FRMD3: variants seen among roughly 807,000 people sequenced by gnomAD.
FRMD3 encodes the protein FERM domain-containing protein 3.
Under a neutral mutation model 70.2 loss-of-function variants are expected in FRMD3, and 33 were observed. The ratio of observed to expected loss-of-function variants is 0.47; its 90% CI spans 0.36 to 0.63. The LOEUF is 0.63. FRMD3 is among the 20% of genes least tolerant of loss of function. The probability of loss-of-function intolerance (pLI) is 0.00; values close to 1 mark genes in which losing one functional copy is unlikely to be tolerated. For missense variants in FRMD3, 632 were observed against 711.4 expected, an observed-to-expected ratio of 0.89 and a Z score of 1.27; for synonymous variants, 279 against 255.9, an observed-to-expected ratio of 1.09 and a Z score of -0.86.
chr9:83,363,395 T>C (rs75538922), intron 3 of FRMD3, among the ~76,000 whole-genome samples: 1 of 152,224 alleles, frequency 6.6e-6, no homozygotes, highest in African/African-American at 2.4e-5. Context: ...TATACACACA[T>C]AATTTATCCT....
chr9:83,404,335 A>G (rs1826037217), intron 1 of FRMD3, among the ~76,000 whole-genome samples: 1 of 152,216 alleles, frequency 6.6e-6, no homozygotes, highest in Non-Finnish European at 1.5e-5. Flanking sequence ...ATTATCAGCT[A>G]TTACAAGCCA....
intron 1 of FRMD3, among the ~76,000 whole-genome samples, chr9:83,490,339 G>C (rs1828788394): frequency 6.8e-6 from 1 of 146,690 alleles, no homozygotes; most frequent in Non-Finnish European, 1.5e-5. Flanking sequence ...ACCCAGGGTG[G>C]AGTGCCAATG....
chr9:83,386,882 T>C (rs1307367733), intron 2 of FRMD3, among the ~76,000 whole-genome samples: 4 of 152,328 alleles, frequency 2.6e-5, no homozygotes, highest in Admixed American at 2.0e-4. Flanking sequence ...ATTTGCCTGA[T>C]GTTTTCTCAA....
At position 83,248,073 on chromosome 9, in the gene FRMD3, G is replaced by A. The variant is rs1334421934; in HGVS notation, c.1639C>T (p.Leu547Phe). 3.1e-6 allele frequency: 5 copies of A among 1,614,034 alleles called. No homozygotes were observed. The highest frequency in any genetic ancestry group is 1.3e-5 in the African/African-American group (1 of 74,902). The part of the protein sequence containing the change: ...GLLLFVFPLL[L>F]LLLESGIDLS... ...TCAATACCTGACTCCAAAAGGAGGAGGAGCAGGGGAAATACAAAGAGCAGC... is the reference window on the plus strand; with the variant it reads ...TCAATACCTGACTCCAAAAGGAGGAAGAGCAGGGGAAATACAAAGAGCAGC... Residue 547 changes from leucine (L) to phenylalanine (F), a missense_variant, in exon 14 of 14, where the codon CTC (leucine) becomes TTC (phenylalanine). Leu to Phe is a conservative substitution (Grantham distance 22). This residue lies in a region of FRMD3 where 418 missense variants were observed against 442.1 expected (regional missense o/e 0.95). Coordinates refer to ENST00000304195, the MANE Select transcript of FRMD3 (RefSeq NM_174938.6).
At chr9:83,549,474 A>G in the FRMD3 span, among the ~76,000 whole-genome samples, 1 of 152,150 alleles carries the variant, frequency 6.6e-6, no homozygotes, top group African/African-American at 2.4e-5. Flanking sequence ...ACACCCAGTA[A>G]TAGGATTGCT....
intron 1 of FRMD3, among the ~76,000 whole-genome samples, chr9:83,421,220 G>A (rs895124607): frequency 2.0e-5 from 3 of 152,066 alleles, no homozygotes; most frequent in Non-Finnish European, 4.4e-5. Context: ...GATTACAGGC[G>A]TGAGCCACCG....
the FRMD3 span, among the ~76,000 whole-genome samples, chr9:83,582,480 C>A: frequency 1.2e-4 from 19 of 152,090 alleles, no homozygotes; most frequent in African/African-American, 4.1e-4. Flanking sequence ...AAAGAGTGGT[C>A]TTTTTATTTT....
At chr9:83,516,830 G>T (rs1360173143) in intron 1 of FRMD3, among the ~76,000 whole-genome samples, 3 of 152,108 alleles carry the variant, frequency 2.0e-5, no homozygotes. Context: ...AATCAAAACT[G>T]CACAACTACA....
chr9:83,558,261 C>CGTGTGT, the FRMD3 span, among the ~76,000 whole-genome samples: 4,513 of 151,320 alleles, frequency 0.03, 131 homozygotes, highest in African/African-American at 0.072. Context: ...AACGCATGCA[C>CGTGTGT]GTGTGTGTGT....
intron 3 of FRMD3, among the ~76,000 whole-genome samples, chr9:83,361,248 A>G (rs1298401981): frequency 6.6e-6 from 1 of 152,234 alleles, no homozygotes; most frequent in African/African-American, 2.4e-5. Flanking sequence ...AAAAAATAGC[A>G]TTTGAACTTC....
At chr9:83,465,289 T>C (rs1828095658) in intron 1 of FRMD3, among the ~76,000 whole-genome samples, 1 of 152,144 alleles carries the variant, frequency 6.6e-6, no homozygotes, top group Non-Finnish European at 1.5e-5. Flanking sequence ...CCCAGTGCTC[T>C]TCCCAGAACT....
In FRMD3 at chr9:83,245,139, T is replaced by C; in HGVS notation, c.*2779A>G. On this transcript the variant is annotated 3_prime_UTR_variant, in exon 14 of 14. Coordinates refer to ENST00000304195, the MANE Select transcript of FRMD3 (RefSeq NM_174938.6). Reference sequence around the variant, plus strand: ...CTCAATTAGGGCAAAATAAGCACAATTATGCATGAGGGGCATATATGTTGT... The same window carrying C: ...CTCAATTAGGGCAAAATAAGCACAACTATGCATGAGGGGCATATATGTTGT... 1.0e-6 allele frequency: 1 copy of C among 985,278 alleles called. No homozygotes were observed. The highest frequency in any genetic ancestry group is 1.2e-6 in the Non-Finnish European group (1 of 829,842). 61.0% of individuals were successfully genotyped at this position (985,278 alleles called of 1,614,324 possible).
At chr9:83,260,748 A>G (rs1020369271) in intron 13 of FRMD3, among the ~76,000 whole-genome samples, 1 of 152,112 alleles carries the variant, frequency 6.6e-6, no homozygotes, top group African/African-American at 2.4e-5. Context: ...TACATGTTCT[A>G]TCAGTCCCTC....
At chr9:83,565,606 C>G in the FRMD3 span, among the ~76,000 whole-genome samples, 4 of 152,318 alleles carry the variant, frequency 2.6e-5, no homozygotes, top group East Asian at 7.7e-4. Context: ...GCCCGTAGCG[C>G]CCTGTCAAAA....
chr9:83,307,219 A>T (rs1835167109), intron 10 of FRMD3, among the ~76,000 whole-genome samples: 1 of 152,230 alleles, frequency 6.6e-6, no homozygotes, highest in Admixed American at 6.5e-5. Context: ...CATTCAAGAA[A>T]GAACAGAAGA....
At chr9:83,477,223 G>A (rs1828421618) in intron 1 of FRMD3, among the ~76,000 whole-genome samples, 1 of 152,184 alleles carries the variant, frequency 6.6e-6, no homozygotes, top group South Asian at 2.1e-4. Flanking sequence ...CCGGCCCAGT[G>A]TAGGAACTTT....
intron 6 of FRMD3, among the ~76,000 whole-genome samples, chr9:83,324,648 A>G (rs1002887281): frequency 4.6e-5 from 7 of 152,222 alleles, no homozygotes; most frequent in African/African-American, 1.7e-4. Flanking sequence ...ATGCAGAGCT[A>G]TCTTGTACTA....
At chr9:83,427,116 A>T (rs17086262) in intron 1 of FRMD3, among the ~76,000 whole-genome samples, 6,450 of 152,318 alleles carry the variant, frequency 0.042, 196 homozygotes, top group East Asian at 0.16. Flanking sequence ...AATTACCTGG[A>T]GCATTTGTTC....
intron 1 of FRMD3, among the ~76,000 whole-genome samples, chr9:83,529,460 A>C (rs1484513346): frequency 6.6e-6 from 1 of 152,240 alleles, no homozygotes; most frequent in African/African-American, 2.4e-5. Flanking sequence ...TGAATTGTGC[A>C]CTTTAAAATG....
Sources: gnomAD v4.1 joint callset for allele counts (sites outside exome capture counted in the v4.1 genomes callset) on GRCh38, gnomAD v4.1.1 for gene constraint, gnomAD v4.1.1 regional missense constraint, MANE v1.5 for transcripts, NCBI Gene and HGNC (gene_info 2026-07-23, HGNC 2026-07-21) for gene names.